Variants in FARP1 observed in about 807,000 individuals in gnomAD.
FARP1 encodes FERM, ARHGEF and pleckstrin domain-containing protein 1.
FARP1 carries 52 observed loss-of-function variants against 128.8 expected under a neutral mutation model. The observed-to-expected ratio is 0.40, with a 90% confidence interval of 0.32 to 0.51. FARP1 has a LOEUF of 0.51. Ranked by LOEUF, FARP1 falls within the 20% of genes least tolerant of loss-of-function variation. FARP1 has a pLI of 0.45. For missense variants in FARP1, 1,333 were observed against 1,367.9 expected, an observed-to-expected ratio of 0.97 and a Z score of 0.40; for synonymous variants, 580 against 551.8, an observed-to-expected ratio of 1.05 and a Z score of -0.72.
At chr13:98,244,262 G>C (rs755064865) in intron 2 of FARP1, among the ~76,000 whole-genome samples, 4 of 152,124 alleles carry the variant, frequency 2.6e-5, no homozygotes, top group Admixed American at 6.5e-5. Flanking sequence ...CCACTTCCTA[G>C]CTTTATTGAG....
chr13:98,275,962 G>A (rs973068308), intron 2 of FARP1, among the ~76,000 whole-genome samples: 3 of 152,184 alleles, frequency 2.0e-5, no homozygotes, highest in African/African-American at 4.8e-5. Context: ...GACAAAGGTC[G>A]GCGGGGGTAT....
chr13:98,353,712 A>G (rs983792662), intron 3 of FARP1, among the ~76,000 whole-genome samples: 1 of 152,174 alleles, frequency 6.6e-6, no homozygotes, highest in South Asian at 2.1e-4. Context: ...GTTTATTTTA[A>G]TATTAAATAT....
intron 1 of FARP1, among the ~76,000 whole-genome samples, chr13:98,184,574 G>A (rs934778807): frequency 1.3e-5 from 2 of 152,254 alleles, no homozygotes; most frequent in African/African-American, 4.8e-5. Context: ...GCTTCTTAAG[G>A]AAGTACGACT....
Position 98,353,217 on chromosome 13 carries a change from T to C in FARP1, c.276+9351T>C, listed in dbSNP as rs139393074. Among the ~76,000 whole-genome samples, 19 of 152,240 alleles carry C rather than the reference T, an allele frequency of 1.2e-4. No individual in the cohort carries two copies. In the East Asian group the frequency reaches 2.0e-3, roughly 16 times the overall value. Reference sequence around the variant, plus strand: ...GGCAAAATAACACATTACAGACTTATGCAGTTACGATGAAACTCTGCATAG... The same window carrying C: ...GGCAAAATAACACATTACAGACTTACGCAGTTACGATGAAACTCTGCATAG... On this transcript the variant is annotated intron_variant, in intron 3 of 26. Coordinates refer to ENST00000319562, the MANE Select transcript of FARP1 (RefSeq NM_005766.4).
chr13:98,323,335 A>G (rs148823053), intron 2 of FARP1, among the ~76,000 whole-genome samples: 2 of 150,588 alleles, frequency 1.3e-5, no homozygotes, highest in East Asian at 3.9e-4. Context: ...AGGCAACTCG[A>G]TTTTATTTAA....
chr13:98,416,419 G>A (rs1361443094), intron 16 of FARP1, among the ~76,000 whole-genome samples: 1 of 152,160 alleles, frequency 6.6e-6, no homozygotes, highest in African/African-American at 2.4e-5. Context: ...GAAGTTTTCC[G>A]GAATGATTAG....
chr13:98,254,992 T>C (rs970576230), intron 2 of FARP1, among the ~76,000 whole-genome samples: 4 of 152,124 alleles, frequency 2.6e-5, no homozygotes, highest in African/African-American at 9.7e-5. Flanking sequence ...AAGGAAGAAT[T>C]TTTTACTTGT....
At chr13:98,446,333 C>G in intron 25 of FARP1, 128 bp downstream of exon 25, 1 of 651,906 alleles carries the variant, frequency 1.5e-6, no homozygotes, top group Non-Finnish European at 2.7e-6. Context: ...GACAGGGATG[C>G]TGGCGGGGGG....
At chr13:98,373,090 CA>C (rs1338820109) in intron 5 of FARP1, among the ~76,000 whole-genome samples, 1 of 152,148 alleles carries the variant, frequency 6.6e-6, no homozygotes, top group East Asian at 1.9e-4. Context: ...TCCATGTAAT[CA>C]GGGGGAGTCA....
intron 1 of FARP1, among the ~76,000 whole-genome samples, chr13:98,171,121 G>A (rs1877621729): frequency 6.6e-6 from 1 of 152,198 alleles, no homozygotes; most frequent in Non-Finnish European, 1.5e-5. Context: ...GGACTGTGGA[G>A]GTTTCCTGGT....
At chr13:98,396,894 C>T (rs1206274805) in intron 13 of FARP1, 2 of 158,192 alleles carry the variant, frequency 1.3e-5, no homozygotes, top group African/African-American at 4.8e-5. Context: ...TGAACTGAAG[C>T]ATCCTTGAGA....
intron 2 of FARP1, among the ~76,000 whole-genome samples, chr13:98,271,581 G>T (rs555166936): frequency 3.9e-5 from 6 of 152,032 alleles, no homozygotes; most frequent in African/African-American, 1.4e-4. Context: ...CCCTCGACAG[G>T]CCCCAGTATG....
chr13:98,325,895 A>G (rs892310761), intron 2 of FARP1, among the ~76,000 whole-genome samples: 4 of 152,258 alleles, frequency 2.6e-5, no homozygotes, highest in Non-Finnish European at 4.4e-5. Context: ...AGACTCCGCA[A>G]CAGCCACAGG....
chr13:98,411,882 A>ATCG lies in FARP1; in HGVS notation c.1693-16_1693-14dup. 1 of 1,611,846 alleles carries ATCG rather than the reference A, an allele frequency of 6.2e-7. No individual in the cohort carries two copies. Among genetic ancestry groups the ATCG allele is most frequent in the South Asian group, 1.1e-5 (1 of 90,762 alleles). On this transcript the variant is annotated intron_variant, in intron 15 of 26. Transcript: ENST00000319562. ...CATTGATCTTTCCACCCGTAAGTGC[A>ATCG]TCGTCTTCTTCTTTCCAGTGGTTTC...
At chr13:98,297,935 T>C (rs1224597122) in intron 2 of FARP1, among the ~76,000 whole-genome samples, 1 of 152,260 alleles carries the variant, frequency 6.6e-6, no homozygotes, top group East Asian at 1.9e-4. Context: ...TTCTGAATTA[T>C]CCACGTTCCC....
intron 1 of FARP1, among the ~76,000 whole-genome samples, chr13:98,198,500 G>T (rs1879723101): frequency 6.6e-6 from 1 of 152,194 alleles, no homozygotes; most frequent in African/African-American, 2.4e-5. Context: ...GGGAGGCTGA[G>T]GTGGGAGGAT....
chr13:98,146,933 C>T (rs1390813201), intron 1 of FARP1, among the ~76,000 whole-genome samples: 1 of 152,200 alleles, frequency 6.6e-6, no homozygotes, highest in Non-Finnish European at 1.5e-5. Flanking sequence ...AGTCCTTTCT[C>T]TCTGTTTCAC....
chr13:98,420,232 T>A (rs1353561470), intron 16 of FARP1, among the ~76,000 whole-genome samples: 1 of 152,148 alleles, frequency 6.6e-6, no homozygotes, highest in African/African-American at 2.4e-5. Flanking sequence ...TGGCTGGCTT[T>A]GCCCCTGCCT....
chr13:98,334,974 G>A (rs1232799178), intron 2 of FARP1, among the ~76,000 whole-genome samples: 5 of 152,176 alleles, frequency 3.3e-5, no homozygotes, highest in Non-Finnish European at 7.3e-5. Flanking sequence ...AGCATACTAA[G>A]TCATCACGTT....
Sources: gnomAD v4.1 joint callset for allele counts (sites outside exome capture counted in the v4.1 genomes callset) on GRCh38, gnomAD v4.1.1 for gene constraint, MANE v1.5 for transcripts, NCBI Gene and HGNC (gene_info 2026-07-23, HGNC 2026-07-21) for gene names.